The following ZSWIM6 variants were observed in gnomAD, a reference collection of about 807,000 sequenced individuals.
ZSWIM6 encodes zinc finger SWIM domain-containing protein 6.
Under a neutral mutation model 113.2 loss-of-function variants are expected in ZSWIM6, and 9 were observed. The observed-to-expected ratio is 0.08, with a 90% CI of 0.05 to 0.14. ZSWIM6 has a LOEUF of 0.14. ZSWIM6 is among the 10% of genes least tolerant of loss of function. The pLI is 1.00. For synonymous variants in ZSWIM6, 611 were observed against 606.5 expected (o/e 1.01, Z -0.11); for missense variants, 1,162 against 1,552.2 (o/e 0.75, Z 4.22).
intron 1 of ZSWIM6, among the ~76,000 whole-genome samples, chr5:61,421,509 G>A (rs1286399885): frequency 2.0e-5 from 3 of 152,090 alleles, no homozygotes; most frequent in Non-Finnish European, 4.4e-5. Flanking sequence ...TTTAGGTTCA[G>A]GGGTACATGT....
At chr5:61,410,471 G>A (rs1746131604) in intron 1 of ZSWIM6, among the ~76,000 whole-genome samples, 1 of 151,794 alleles carries the variant, frequency 6.6e-6, no homozygotes, top group South Asian at 2.1e-4. Context: ...CACCATGCCT[G>A]GCTAATTTTT....
intron 10 of ZSWIM6, among the ~76,000 whole-genome samples, chr5:61,536,444 T>C (rs1749575105): frequency 6.6e-6 from 1 of 152,210 alleles, no homozygotes; most frequent in Non-Finnish European, 1.5e-5. Flanking sequence ...TTAAAAAAAT[T>C]AATAAAACAC....
chr5:61,466,819 C>T (rs1399617765), intron 1 of ZSWIM6, among the ~76,000 whole-genome samples: 2 of 151,934 alleles, frequency 1.3e-5, no homozygotes, highest in African/African-American at 4.8e-5. Flanking sequence ...TCCTTGTTCC[C>T]TTTAATATGC....
At chr5:61,395,899 A>G (rs1745827008) in intron 1 of ZSWIM6, among the ~76,000 whole-genome samples, 1 of 152,062 alleles carries the variant, frequency 6.6e-6, no homozygotes, top group Non-Finnish European at 1.5e-5. Context: ...TGAATACTTT[A>G]TTAAGCTCTA....
At chr5:61,363,882 T>TTCCTTCCC (rs1230724577) in intron 1 of ZSWIM6, among the ~76,000 whole-genome samples, 3 of 127,074 alleles carry the variant, frequency 2.4e-5, no homozygotes, top group East Asian at 2.0e-4. Flanking sequence ...CCCTCCTTCC[T>TTCCTTCCC]TCCTTCCCTC....
intron 4 of ZSWIM6, among the ~76,000 whole-genome samples, chr5:61,518,611 C>A (rs1347640294): frequency 1.3e-5 from 2 of 152,106 alleles, no homozygotes; most frequent in Non-Finnish European, 2.9e-5. Flanking sequence ...CTGTTCATGT[C>A]CTTTGCCCAC....
At chr5:61,463,637 A>G (rs995980219) in intron 1 of ZSWIM6, among the ~76,000 whole-genome samples, 5 of 152,222 alleles carry the variant, frequency 3.3e-5, no homozygotes, top group Non-Finnish European at 7.3e-5. Flanking sequence ...CTCCTCCAAG[A>G]TAGTCCTCTG....
chr5:61,534,384 A>G (rs528966460), intron 9 of ZSWIM6, among the ~76,000 whole-genome samples: 4 of 152,346 alleles, frequency 2.6e-5, no homozygotes, highest in African/African-American at 9.6e-5. Context: ...AAAATGACCT[A>G]GAATATATTG....
chr5:61,388,272 C>G (rs1202118122), intron 1 of ZSWIM6, among the ~76,000 whole-genome samples: 7 of 152,102 alleles, frequency 4.6e-5, no homozygotes, highest in African/African-American at 1.7e-4. Context: ...CATGAGCCAC[C>G]GTGCCTGGCT....
chr5:61,412,198 T>G (rs1297727283), intron 1 of ZSWIM6, among the ~76,000 whole-genome samples: 2 of 152,216 alleles, frequency 1.3e-5, no homozygotes, highest in East Asian at 3.8e-4. Context: ...TGAGATCTCA[T>G]GATAAAAAGA....
chr5:61,336,220 T>C (rs911794809), intron 1 of ZSWIM6, among the ~76,000 whole-genome samples: 3 of 151,892 alleles, frequency 2.0e-5, no homozygotes, highest in Non-Finnish European at 4.4e-5. Flanking sequence ...GCTAAGATCG[T>C]ACCATTGCAC....
Position 61,543,486 on chromosome 5 carries a change from C to G in ZSWIM6, c.2817C>G (p.Thr939=), listed in dbSNP as rs552547114. The G allele has an allele frequency of 6.4e-7, 1 of 1,551,204 alleles. No homozygotes were observed. Among genetic ancestry groups the G allele is most frequent in the Non-Finnish European group, 8.7e-7 (1 of 1,146,974 alleles). The change falls in exon 14 of 14, where the codon ACC becomes ACG. Residue 939 remains threonine (T), a synonymous_variant. Coordinates refer to ENST00000252744, the MANE Select transcript of ZSWIM6 (RefSeq NM_020928.2). This position sits in a 1 kb window ranked among gnomAD's most constrained non-coding sequence, Gnocchi z 4.3. The part of the protein sequence containing the change: ...GVYALDSIMQ[T]WFTLFTPTEA... ...ATGCCCTGGACAGCATCATGCAGAC[C>G]TGGTTTACACTCTTTACTCCCACCG... is the stretch of plus-strand genomic sequence containing the variant.
intron 1 of ZSWIM6, among the ~76,000 whole-genome samples, chr5:61,422,509 A>G (rs1746374764): frequency 6.6e-6 from 1 of 152,004 alleles, no homozygotes; most frequent in Non-Finnish European, 1.5e-5. Context: ...TTATTCCTCC[A>G]GTTTTGTTCT....
chr5:61,444,422 C>G (rs1487523582), intron 1 of ZSWIM6, among the ~76,000 whole-genome samples: 1 of 152,048 alleles, frequency 6.6e-6, no homozygotes, highest in Non-Finnish European at 1.5e-5. Flanking sequence ...GTGCGTGTGT[C>G]TTTATAGAAG....
intron 1 of ZSWIM6, among the ~76,000 whole-genome samples, chr5:61,463,545 G>A (rs1747361002): frequency 6.6e-6 from 1 of 152,176 alleles, no homozygotes; most frequent in Non-Finnish European, 1.5e-5. Context: ...GCACATTCCA[G>A]TGTGAGAACC....
intron 1 of ZSWIM6, among the ~76,000 whole-genome samples, chr5:61,439,915 G>A (rs897288441): frequency 2.0e-5 from 3 of 152,124 alleles, no homozygotes; most frequent in African/African-American, 7.2e-5. Context: ...GGTAGGAATG[G>A]TTGTATGTTG....
At chr5:61,494,482 C>T in intron 4 of ZSWIM6, 72 bp downstream of exon 4, 1 of 1,527,258 alleles carries the variant, frequency 6.5e-7, no homozygotes, top group Non-Finnish European at 8.8e-7. Flanking sequence ...GTTTCAAGAA[C>T]ATGGTCGTAG....
chr5:61,399,363 T>C (rs1415767622), intron 1 of ZSWIM6, among the ~76,000 whole-genome samples: 1 of 152,098 alleles, frequency 6.6e-6, no homozygotes, highest in East Asian at 1.9e-4. Context: ...ATTACTAACA[T>C]TGGCATTCCA....
In ZSWIM6 at chr5:61,543,311, G is replaced by T; in HGVS notation, c.2786-144G>T. The stretch of plus-strand genomic sequence containing the variant: ...ACCTTATTCTTAAAGGTTTCTCACA[G>T]GCACATTACTTTACAGGATTTTCTA... On this transcript the variant is annotated intron_variant, in intron 13 of 13. Transcript: ENST00000252744. This position sits in a 1 kb window ranked among gnomAD's most constrained non-coding sequence, Gnocchi z 4.3. 1.1e-6 allele frequency: 1 copy of T among 930,650 alleles called. No homozygotes were observed. 57.6% of individuals were successfully genotyped at this position (930,650 alleles called of 1,614,324 possible).
Sources: gnomAD v4.1 joint callset for allele counts (sites outside exome capture counted in the v4.1 genomes callset) on GRCh38, gnomAD v4.1.1 for gene constraint, Gnocchi (gnomAD v3.1) non-coding constraint, MANE v1.5 for transcripts, NCBI Gene and HGNC (gene_info 2026-07-23, HGNC 2026-07-21) for gene names.